The following CLEC16A variants were observed in gnomAD, a reference collection of about 807,000 sequenced individuals.
CLEC16A encodes protein CLEC16A.
Under a neutral mutation model 109.5 loss-of-function variants are expected in CLEC16A, and 51 were observed. The observed-to-expected ratio is 0.47, with a 90% CI of 0.37 to 0.59. The LOEUF is 0.59. Among genes scored for constraint, CLEC16A ranks in the 20% least tolerant of loss-of-function variants. The probability of loss-of-function intolerance (pLI) is 0.00; values close to 1 mark genes in which losing one functional copy is unlikely to be tolerated. For missense variants in CLEC16A, 1,339 were observed against 1,394.0 expected, an observed-to-expected ratio of 0.96 and a Z score of 0.63; for synonymous variants, 673 against 564.2, an observed-to-expected ratio of 1.19 and a Z score of -2.73.
rs1409358838 is a variant in CLEC16A at position 10,971,270 on chromosome 16, A to G, written c.598+40A>G. On this transcript the variant is annotated intron_variant, in intron 5 of 23. Transcript: ENST00000409790. ...GGGCTTGTGTCTCGGCTGATTTCTG[A>G]CTTGGCAGCAAGCACTCACTCCCGT... The G allele has an allele frequency of 1.2e-5, 17 of 1,451,234 alleles. No individual in the cohort carries two copies. The South Asian group carries it at 1.8e-4, about 15-fold the overall frequency. 89.9% of individuals were successfully genotyped at this position (1,451,234 alleles called of 1,614,324 possible).
In CLEC16A at chr16:10,952,220, G is replaced by A. The variant is rs137928949; in HGVS notation, c.81-5562G>A. ...AAGGTTTTATTAAAATGGGCCGGGT[G>A]AGTTGGCTCACACCTGTAATCCCAG... On this transcript the variant is annotated intron_variant, in intron 1 of 23. Transcript: ENST00000409790. 3.7e-3 allele frequency among the ~76,000 whole-genome samples: 568 copies of A among 152,344 alleles called. 6 individuals carry two copies. Among genetic ancestry groups the A allele is most frequent in the Non-Finnish European group, 6.1e-3 (413 of 68,042 alleles).
chr16:11,165,356 G>A (rs868108570), intron 22 of CLEC16A, among the ~76,000 whole-genome samples: 2 of 151,994 alleles, frequency 1.3e-5, no homozygotes, highest in African/African-American at 2.4e-5. Flanking sequence ...TTTGGGTATG[G>A]TGGCATATCC....
intron 5 of CLEC16A, 25 bp downstream of exon 5, chr16:10,971,255 C>G: frequency 2.0e-6 from 3 of 1,535,222 alleles, no homozygotes; most frequent in Non-Finnish European, 2.7e-6. Flanking sequence ...GGGCTTGTGT[C>G]TCGGCTGATT....
At chr16:11,034,926 A>AGT (rs373358730) in intron 13 of CLEC16A, among the ~76,000 whole-genome samples, 58 of 151,654 alleles carry the variant, frequency 3.8e-4, no homozygotes, top group African/African-American at 7.7e-4. Context: ...TGTGTGTATG[A>AGT]GTGTGTGTGT....
At chr16:11,089,039 G>A (rs1013281252) in intron 19 of CLEC16A, among the ~76,000 whole-genome samples, 5 of 152,072 alleles carry the variant, frequency 3.3e-5, no homozygotes, top group Non-Finnish European at 5.9e-5. Flanking sequence ...CCCAGCCTCC[G>A]TTCAGGGGAG....
chr16:10,985,828 C>T (rs990065835), intron 10 of CLEC16A, among the ~76,000 whole-genome samples: 6 of 151,610 alleles, frequency 4.0e-5, no homozygotes, highest in African/African-American at 1.5e-4. Context: ...GCGTCAGCCT[C>T]CCAAGTAGCT....
At position 11,100,216 on chromosome 16, in the gene CLEC16A, C is replaced by T. The variant is rs975326259; in HGVS notation, c.2117-20399C>T. 9.9e-5 allele frequency among the ~76,000 whole-genome samples: 15 copies of T among 152,106 alleles called. 1 individual carries two copies. In the East Asian group the frequency reaches 1.3e-3, roughly 14 times the overall value. ...ATTCCTTAACAGGGAGGTAAGACTG[C>T]GGGGGACTCAGCAATTTGGAGCCTG... is the stretch of plus-strand genomic sequence containing the variant. On this transcript the variant is annotated intron_variant, in intron 19 of 23. Transcript: ENST00000409790.
At chr16:11,093,078 C>T (rs1287508460) in intron 19 of CLEC16A, among the ~76,000 whole-genome samples, 1 of 152,178 alleles carries the variant, frequency 6.6e-6, no homozygotes, top group African/African-American at 2.4e-5. Context: ...CCTCCTGTAC[C>T]CCCCACCACC....
At chr16:10,966,638 T>TA (rs1329600005) in intron 3 of CLEC16A, among the ~76,000 whole-genome samples, 2 of 152,188 alleles carry the variant, frequency 1.3e-5, no homozygotes, top group African/African-American at 2.4e-5. Context: ...TCAGGAAACT[T>TA]ACAATCATGG....
intron 23 of CLEC16A, among the ~76,000 whole-genome samples, chr16:11,171,956 A>G (rs1432829771): frequency 6.6e-6 from 1 of 152,070 alleles, no homozygotes; most frequent in Admixed American, 6.5e-5. Context: ...GTGTGCATGC[A>G]TAGTCACACT....
intron 13 of CLEC16A, among the ~76,000 whole-genome samples, chr16:11,039,353 C>T (rs1441531061): frequency 3.3e-5 from 5 of 152,146 alleles, no homozygotes; most frequent in Non-Finnish European, 5.9e-5. Context: ...ATTATTGCAT[C>T]AATCCTGATT....
intron 22 of CLEC16A, among the ~76,000 whole-genome samples, chr16:11,155,039 G>C (rs1356112665): frequency 5.3e-5 from 8 of 152,156 alleles, no homozygotes; most frequent in Admixed American, 6.5e-5. Flanking sequence ...GGGAGGATCA[G>C]CTGAGCCTGG....
intron 16 of CLEC16A, among the ~76,000 whole-genome samples, chr16:11,045,908 C>T (rs559579281): frequency 2.0e-5 from 3 of 152,292 alleles, no homozygotes; most frequent in African/African-American, 4.8e-5. Context: ...GGAGATCGAC[C>T]TTGCCAGGCT....
intron 22 of CLEC16A, chr16:11,156,512 C>A: frequency 9.9e-7 from 1 of 1,012,760 alleles, no homozygotes; most frequent in Non-Finnish European, 1.4e-6. Context: ...GGTCAGTGAG[C>A]GCCTGTGCCT....
At chr16:11,066,212 A>G (rs769253518) in intron 19 of CLEC16A, among the ~76,000 whole-genome samples, 5 of 152,148 alleles carry the variant, frequency 3.3e-5, no homozygotes, top group Non-Finnish European at 7.3e-5. Context: ...TGCTGTGCCT[A>G]GAACAGTGCC....
intron 13 of CLEC16A, among the ~76,000 whole-genome samples, chr16:11,033,296 A>AGGGG (rs1459423832): frequency 6.6e-6 from 1 of 151,864 alleles, no homozygotes; most frequent in African/African-American, 2.4e-5. Flanking sequence ...ATTTGAAAGG[A>AGGGG]GGGGGCATGA....
intron 5 of CLEC16A, 60 bp downstream of exon 5, chr16:10,971,290 T>A (rs918191968): frequency 7.4e-6 from 9 of 1,211,310 alleles, no homozygotes; most frequent in African/African-American, 1.5e-5. Flanking sequence ...AAGCACTCAC[T>A]CCCGTGTGTG....
chr16:11,133,454 C>T (rs1253436493), intron 22 of CLEC16A, among the ~76,000 whole-genome samples: 1 of 152,204 alleles, frequency 6.6e-6, no homozygotes, highest in African/African-American at 2.4e-5. Flanking sequence ...TCACGTGACC[C>T]AGAGCACTTA....
chr16:10,945,457 G>T (rs2041308387), intron 1 of CLEC16A, among the ~76,000 whole-genome samples: 1 of 152,196 alleles, frequency 6.6e-6, no homozygotes, highest in African/African-American at 2.4e-5. Flanking sequence ...CTCTGAGGAG[G>T]GAATGACTCT....
Sources: allele counts gnomAD v4.1 joint callset (sites outside exome capture counted in the v4.1 genomes callset), GRCh38; gene constraint gnomAD v4.1.1; transcripts MANE v1.5; gene names NCBI Gene and HGNC (gene_info 2026-07-23, HGNC 2026-07-21).